RGPD2: variants seen among roughly 807,000 people sequenced by gnomAD.
RGPD2 encodes the protein RANBP2-like and GRIP domain-containing protein 2.
In RGPD2, 2 loss-of-function variants were observed where a neutral mutation model predicts 36.0. The ratio of observed to expected loss-of-function variants is 0.06; its 90% CI spans 0.02 to 0.17. RGPD2 has a LOEUF of 0.17. Ranked by LOEUF, RGPD2 falls within the 10% of genes least tolerant of loss-of-function variation. The pLI is 1.00. For synonymous variants in RGPD2, 19 were observed against 163.8 expected (o/e 0.12, Z 6.75); for missense variants, 40 against 464.3 (o/e 0.09, Z 8.40).
the RGPD2 span, among the ~76,000 whole-genome samples, chr2:87,927,740 T>A: frequency 2.6e-5 from 4 of 151,584 alleles, no homozygotes; most frequent in Admixed American, 2.6e-4. Flanking sequence ...CTACTTATAG[T>A]TTAAAAGGGT....
chr2:87,957,525 G>A, the RGPD2 span, among the ~76,000 whole-genome samples: 7 of 151,988 alleles, frequency 4.6e-5, no homozygotes, highest in African/African-American at 1.2e-4. Flanking sequence ...GTTCTATGCC[G>A]TACCTTCGTA....
chr2:87,965,111 T>C, the RGPD2 span, among the ~76,000 whole-genome samples: 4 of 136,412 alleles, frequency 2.9e-5, no homozygotes, highest in African/African-American at 5.1e-5. Context: ...GGCATTTACA[T>C]CTTGGATGGC....
the RGPD2 span, among the ~76,000 whole-genome samples, chr2:87,963,987 C>A: frequency 6.7e-6 from 1 of 149,630 alleles, no homozygotes; most frequent in Non-Finnish European, 1.5e-5. Context: ...AGGTACGTGC[C>A]ATCACACCTG....
At chr2:87,863,712 G>GTATA in the RGPD2 span, among the ~76,000 whole-genome samples, 201 of 145,860 alleles carry the variant, frequency 1.4e-3, no homozygotes, top group African/African-American at 3.4e-3. Context: ...GTGTGTGTGT[G>GTATA]TATATATATA....
the RGPD2 span, among the ~76,000 whole-genome samples, chr2:87,848,978 A>C: frequency 1.3e-5 from 2 of 151,420 alleles, no homozygotes; most frequent in Non-Finnish European, 3.0e-5. Context: ...GTAACTTTGG[A>C]AGTTTAATCA....
At chr2:87,957,396 T>C in the RGPD2 span, among the ~76,000 whole-genome samples, 1 of 151,444 alleles carries the variant, frequency 6.6e-6, no homozygotes, top group Non-Finnish European at 1.5e-5. Context: ...CATGCTGGCC[T>C]CTTGACATTA....
chr2:87,857,617 G>A, the RGPD2 span, among the ~76,000 whole-genome samples: 10,836 of 142,526 alleles, frequency 0.076, 7 homozygotes, highest in Middle Eastern at 0.11. Flanking sequence ...GAGCCACCGC[G>A]CCTGGCCCAA....
At chr2:87,852,668 A>G in the RGPD2 span, among the ~76,000 whole-genome samples, 1 of 152,258 alleles carries the variant, frequency 6.6e-6, no homozygotes, top group East Asian at 1.9e-4. Context: ...ACATGCTCCC[A>G]TCTCAAGGTT....
At chr2:87,915,385 G>GTATATATGTATATAATATATATTGTA in the RGPD2 span, among the ~76,000 whole-genome samples, 1 of 109,070 alleles carries the variant, frequency 9.2e-6, no homozygotes, top group South Asian at 2.7e-4. Context: ...TATATATATT[G>GTATATATGTATATAATATATATTGTA]TATATATATG....
At chr2:87,985,871 T>A in the RGPD2 span, 4 of 1,609,580 alleles carry the variant, frequency 2.5e-6, no homozygotes, top group Non-Finnish European at 3.4e-6. Context: ...GAACTGCTAT[T>A]TCTTTTGGCA....
At chr2:87,883,259 T>C in the RGPD2 span, among the ~76,000 whole-genome samples, 1 of 151,534 alleles carries the variant, frequency 6.6e-6, no homozygotes, top group Non-Finnish European at 1.5e-5. Context: ...TTGTTACAAG[T>C]ATAAAATGTT....
At chr2:87,920,242 CA>C in the RGPD2 span, among the ~76,000 whole-genome samples, 1 of 151,994 alleles carries the variant, frequency 6.6e-6, no homozygotes, top group Non-Finnish European at 1.5e-5. Flanking sequence ...GGAATATTTT[CA>C]GTGGCTTTTA....
intron 1 of RGPD2, 102 bp downstream of exon 1, chr2:87,825,556 A>T (rs1278941796): frequency 2.4e-6 from 2 of 839,602 alleles, no homozygotes; most frequent in South Asian, 4.2e-5. Flanking sequence ...CCGCCCGGCC[A>T]GGTCGAGGCC....
At chr2:87,830,904 G>A in the RGPD2 span, among the ~76,000 whole-genome samples, 12,474 of 152,152 alleles carry the variant, frequency 0.082, 690 homozygotes, top group South Asian at 0.24. Flanking sequence ...GGGAGTTACA[G>A]TTGAAGATGA....
chr2:87,836,048 CAT>C, the RGPD2 span, among the ~76,000 whole-genome samples: 1 of 151,262 alleles, frequency 6.6e-6, no homozygotes, highest in African/African-American at 2.4e-5. Flanking sequence ...ACTTGGAAAA[CAT>C]ATTTAAGGAT....
At chr2:87,989,608 G>A in the RGPD2 span, 1 of 486,492 alleles carries the variant, frequency 2.1e-6, no homozygotes, top group Non-Finnish European at 3.3e-6. Context: ...AGAAATGTTT[G>A]TTGTCATTTT....
the RGPD2 span, among the ~76,000 whole-genome samples, chr2:87,836,682 C>T: frequency 4.0e-5 from 6 of 151,596 alleles, no homozygotes; most frequent in Non-Finnish European, 8.8e-5. Context: ...ACAATCAAGT[C>T]ATCATAACAA....
At chr2:87,884,619 GA>G in the RGPD2 span, among the ~76,000 whole-genome samples, 1 of 151,540 alleles carries the variant, frequency 6.6e-6, no homozygotes, top group Non-Finnish European at 1.5e-5. Context: ...CATTACAATT[GA>G]TAATACAGAA....
chr2:87,965,607 A>C, the RGPD2 span, among the ~76,000 whole-genome samples: 1 of 151,984 alleles, frequency 6.6e-6, no homozygotes, highest in South Asian at 2.1e-4. Flanking sequence ...GGCTCTCCTA[A>C]TTTTTACCTC....
Sources: gnomAD v4.1 joint callset for allele counts (sites outside exome capture counted in the v4.1 genomes callset) on GRCh38, gnomAD v4.1.1 for gene constraint, MANE v1.5 for transcripts, NCBI Gene and HGNC (gene_info 2026-07-23, HGNC 2026-07-21) for gene names.